The following HNF4A variants were observed in gnomAD, a reference collection of about 807,000 sequenced individuals.
The protein encoded by HNF4A is hepatocyte nuclear factor 4 alpha.
In HNF4A, 15 loss-of-function variants were observed where a neutral mutation model predicts 52.4. That is an observed-to-expected ratio of 0.29 (90% CI 0.19 to 0.44). HNF4A has a LOEUF of 0.44. Ranked by LOEUF, HNF4A falls within the 20% of genes least tolerant of loss-of-function variation. The pLI is 1.00. For missense variants in HNF4A, 479 were observed against 647.2 expected (o/e 0.74, Z 2.82); for synonymous variants, 280 against 264.4 (o/e 1.06, Z -0.57).
At chr20:44,433,380 GT>G (rs11471717), downstream of HNF4A, 7 of 154,484 alleles carry the variant, frequency 4.5e-5, no homozygotes, top group South Asian at 2.0e-4. Context: ...TTTGTTTTTT[GT>G]TTTTTTTTCT....
rs778568419 is a variant in HNF4A, at chr20:44,424,258, C to T, written c.1129+4C>T. On this transcript the variant is annotated splice_donor_region_variant and intron_variant, in intron 8 of 9. Transcript: ENST00000316099. The stretch of plus-strand genomic sequence containing the variant: ...TTGCAGGAGATGCTGCTGGGAGGTC[C>T]GTGCCAAGCCCAGGAGGGGCGGGGT... 1.2e-5 allele frequency: 19 copies of T among 1,613,588 alleles called. No individual in the cohort carries two copies. Among genetic ancestry groups the T allele is most frequent in the East Asian group, 1.1e-4 (5 of 44,868 alleles).
intron 1 of HNF4A, among the ~76,000 whole-genome samples, chr20:44,356,746 T>C (rs577907628): frequency 6.6e-6 from 1 of 152,336 alleles, no homozygotes; most frequent in African/African-American, 2.4e-5. Flanking sequence ...CAGGTTTGTT[T>C]CTGAGGAGGG....
rs6130615 is a variant in HNF4A at position 44,430,797 on chromosome 20, C to T, written c.*1132C>T. On this transcript the variant is annotated 3_prime_UTR_variant, in exon 10 of 10. Coordinates refer to ENST00000316099, the MANE Select transcript of HNF4A (RefSeq NM_000457.6). ...GTCAGGTGGGGTGGATGATATAATG[C>T]GGGTGAGAGTAATGAGGCTTGGGGC... is the stretch of plus-strand genomic sequence containing the variant. 38,112 of 152,172 alleles carry T rather than the reference C, an allele frequency of 0.25. 6,867 individuals carry two copies. The highest frequency in any genetic ancestry group is 0.59 in the East Asian group (3,076 of 5,218). 9.4% of individuals were successfully genotyped at this position (152,172 alleles called of 1,614,324 possible). A position where few individuals can be genotyped will look rare whatever the true frequency, so the allele number is the denominator to read the frequency against.
At chr20:44,427,825 T>G (rs1377998489) in intron 8 of HNF4A, among the ~76,000 whole-genome samples, 1 of 151,994 alleles carries the variant, frequency 6.6e-6, no homozygotes. Flanking sequence ...TGGAACAGGT[T>G]TGGGGTGGAA....
intron 3 of HNF4A, among the ~76,000 whole-genome samples, chr20:44,410,403 C>T (rs1600716743): frequency 2.0e-5 from 3 of 152,208 alleles, no homozygotes; most frequent in Admixed American, 2.0e-4. Flanking sequence ...TGAGAACGGG[C>T]CAGAGTGACA....
intron 1 of HNF4A, chr20:44,390,544 C>T (rs757356290): frequency 1.0e-4 from 69 of 693,340 alleles, no homozygotes; most frequent in South Asian, 9.7e-4. Flanking sequence ...CCCAGCGGCC[C>T]TCGCAGGGTC....
chr20:44,364,033 C>A (rs1463891613), intron 1 of HNF4A, among the ~76,000 whole-genome samples: 4 of 152,116 alleles, frequency 2.6e-5, no homozygotes, highest in African/African-American at 9.7e-5. Flanking sequence ...AACCATCTGG[C>A]TCAGCCATTG....
rs1480350017 is a variant in HNF4A at position 44,368,856 on chromosome 20, G to C, written c.49+13003G>C. ...CTCCAAATTGGGATATAGTTGTATA[G>C]GATCTTTCTTACTAGCAAGTTAACA... On this transcript the variant is annotated intron_variant, in intron 1 of 9. Transcript: ENST00000316673. 2.6e-5 allele frequency among the ~76,000 whole-genome samples: 4 copies of C among 152,196 alleles called. No individual in the cohort carries two copies. In the East Asian group the frequency reaches 7.7e-4, roughly 29 times the overall value.
chr20:44,370,151 C>A (rs909848436), intron 1 of HNF4A, among the ~76,000 whole-genome samples: 12 of 152,222 alleles, frequency 7.9e-5, no homozygotes, highest in Non-Finnish European at 1.2e-4. Flanking sequence ...CTCAGCCCCC[C>A]CAAGTAGCTG....
chr20:44,361,703 C>T (rs1314425400), intron 1 of HNF4A, among the ~76,000 whole-genome samples: 1 of 150,322 alleles, frequency 6.7e-6, no homozygotes, highest in African/African-American at 2.5e-5. Flanking sequence ...CAAAACAAAA[C>T]CAAAAAAAAA....
At chr20:44,400,204 T>C (rs1283738305), upstream of HNF4A, among the ~76,000 whole-genome samples, 1 of 152,136 alleles carries the variant, frequency 6.6e-6, no homozygotes, top group Non-Finnish European at 1.5e-5. Context: ...AGCAGAGCAC[T>C]GAACCAGGAA....
chr20:44,387,013 G>GTAT (rs1455537821), intron 1 of HNF4A, among the ~76,000 whole-genome samples: 1 of 152,042 alleles, frequency 6.6e-6, no homozygotes, highest in Non-Finnish European at 1.5e-5. Context: ...TTACTAAAAT[G>GTAT]TATTCCAGGC....
intron 9 of HNF4A, among the ~76,000 whole-genome samples, chr20:44,429,138 G>C (rs1480888099): frequency 6.6e-6 from 1 of 152,122 alleles, no homozygotes; most frequent in East Asian, 1.9e-4. Context: ...GAGCCAGCTG[G>C]TCCGGGGTTT....
intron 1 of HNF4A, among the ~76,000 whole-genome samples, chr20:44,404,432 G>A (rs2146353628): frequency 6.6e-6 from 1 of 152,232 alleles, no homozygotes; most frequent in East Asian, 1.9e-4. Context: ...GGATGCCCCT[G>A]AGGAATCCAA....
intron 1 of HNF4A, among the ~76,000 whole-genome samples, chr20:44,381,468 G>A (rs555081720): frequency 2.0e-5 from 3 of 151,834 alleles, no homozygotes; most frequent in Admixed American, 1.3e-4. Flanking sequence ...TTTAGTAGAC[G>A]GGGTTTCACC....
chr20:44,371,912 T>TGGA (rs1234453247), intron 1 of HNF4A, among the ~76,000 whole-genome samples: 1 of 152,232 alleles, frequency 6.6e-6, no homozygotes, highest in East Asian at 1.9e-4. Flanking sequence ...AACAGTCTCC[T>TGGA]GGAGCCACTT....
chr20:44,427,562 T>G (rs948454290), intron 8 of HNF4A, among the ~76,000 whole-genome samples: 1 of 152,256 alleles, frequency 6.6e-6, no homozygotes, highest in African/African-American at 2.4e-5. Flanking sequence ...TAGGCTATTA[T>G]TAAACCATAT....
At chr20:44,358,267 A>T (rs2146140228) in intron 1 of HNF4A, among the ~76,000 whole-genome samples, 1 of 151,052 alleles carries the variant, frequency 6.6e-6, no homozygotes, top group Non-Finnish European at 1.5e-5. Context: ...AAAAAAGAAA[A>T]GAAAAATTTG....
chr20:44,429,074 G>A (rs562443953), intron 9 of HNF4A, among the ~76,000 whole-genome samples: 85 of 152,310 alleles, frequency 5.6e-4, no homozygotes, highest in Admixed American at 9.8e-4. Context: ...ATGAGAGTGA[G>A]GCCAATTAGT....
Sources: allele counts gnomAD v4.1 joint callset (sites outside exome capture counted in the v4.1 genomes callset), GRCh38; gene constraint gnomAD v4.1.1; transcripts MANE v1.5; gene names NCBI Gene and HGNC (gene_info 2026-07-23, HGNC 2026-07-21).